WEE1: variants seen among roughly 807,000 people sequenced by gnomAD.
WEE1 encodes the protein WEE1 G2 checkpoint kinase, also known as wee1-like protein kinase.
Under a neutral mutation model 68.8 loss-of-function variants are expected in WEE1, and 16 were observed. The ratio of observed to expected loss-of-function variants is 0.23; its 90% CI spans 0.16 to 0.35. The LOEUF (loss-of-function observed/expected upper bound fraction) is 0.35. Ranked by LOEUF, WEE1 falls within the 10% of genes least tolerant of loss-of-function variation. WEE1 has a pLI of 1.00. For missense variants in WEE1, 651 were observed against 824.1 expected, an observed-to-expected ratio of 0.79 and a Z score of 2.57; for synonymous variants, 349 against 318.7, an observed-to-expected ratio of 1.09 and a Z score of -1.01.
At chr11:9,582,674 C>G (rs1849641218) in intron 6 of WEE1, among the ~76,000 whole-genome samples, 1 of 152,238 alleles carries the variant, frequency 6.6e-6, no homozygotes, top group South Asian at 2.1e-4. Flanking sequence ...TCAAGCGATT[C>G]TCCTGCCTCC....
In WEE1 at chr11:9,576,380, A is replaced by C. The variant is rs564887125; in HGVS notation, c.846+87A>C. 6.6e-5 allele frequency: 102 copies of C among 1,544,498 alleles called. No homozygotes were observed. The highest frequency in any genetic ancestry group is 8.7e-5 in the Non-Finnish European group (100 of 1,142,874). ...TGAATATGTTAATAAGCATTAACACATAAGGTAGAATGGTTTTTAAATTTC... is the reference window on the plus strand; with the variant it reads ...TGAATATGTTAATAAGCATTAACACCTAAGGTAGAATGGTTTTTAAATTTC... On this transcript the variant is annotated intron_variant, in intron 3 of 10. Coordinates refer to ENST00000450114, the MANE Select transcript of WEE1 (RefSeq NM_003390.4). The surrounding 1 kb of genome is among the most constrained non-coding windows in gnomAD (Gnocchi z 4.3).
chr11:9,587,057 C>T (rs867362133), intron 10 of WEE1, among the ~76,000 whole-genome samples: 2 of 152,164 alleles, frequency 1.3e-5, no homozygotes, highest in Non-Finnish European at 2.9e-5. Flanking sequence ...ACCTCCTGGG[C>T]TCAAGCTATC....
In WEE1 at chr11:9,588,455, C is replaced by T. The variant is rs759893864; in HGVS notation, c.1794C>T (p.Leu598=). 6.3e-7 allele frequency: 1 copy of T among 1,581,232 alleles called. No individual in the cohort carries two copies. Among genetic ancestry groups the T allele is most frequent in the Non-Finnish European group, 8.5e-7 (1 of 1,170,880 alleles). The change falls in exon 11 of 11, where the codon CTC becomes CTT. Residue 598 remains leucine (L), a synonymous_variant. Transcript: ENST00000450114. ...TTTTCTATTTTTATGTCAGAGAACT[C>T]AAGAAAGCACAGATGGCAAAAGCTG... ...KFKNSLLQKE[L]KKAQMAKAAA...
At chr11:9,585,061 T>C in intron 6 of WEE1, 197 bp from the exon 7 acceptor site, 1 of 556,414 alleles carries the variant, frequency 1.8e-6, no homozygotes, top group Non-Finnish European at 3.2e-6. Flanking sequence ...GCACACTGTC[T>C]CAAAAAAAAA....
chr11:9,575,252 T>A, intron 1 of WEE1: 1 of 985,760 alleles, frequency 1.0e-6, no homozygotes, highest in Non-Finnish European at 1.2e-6. Flanking sequence ...ACCTGTGTTT[T>A]GAAAGGCCTT....
In WEE1 at chr11:9,586,771, G is replaced by T. The variant is rs200001674; in HGVS notation, c.1702G>T (p.Val568Leu). The change falls in exon 10 of 11, where the codon GTA (valine) becomes TTA (leucine). Residue 568 changes from valine (V) to leucine (L), a missense_variant. Transcript: ENST00000450114. ...PSAMALVKHSVLLSASRKSAE... is the reference protein window; with the variant it reads ...PSAMALVKHSLLLSASRKSAE... ...AGCAATGGCACTGGTAAAGCATTCA[G>T]TATTGCTGTCCGCTTCTAGAAAGAG... 1 of 1,614,094 alleles carries T rather than the reference G, an allele frequency of 6.2e-7. No homozygotes were observed. Among genetic ancestry groups the T allele is most frequent in the South Asian group, 1.1e-5 (1 of 91,064 alleles).
intron 5 of WEE1, 80 bp downstream of exon 5, chr11:9,577,343 C>T: frequency 6.7e-7 from 1 of 1,490,476 alleles, no homozygotes; most frequent in East Asian, 2.3e-5. Flanking sequence ...AAATCTTGCT[C>T]TATTTCTGTC....
chr11:9,588,576 C>T lies in WEE1; in HGVS notation c.1915C>T (p.Arg639Cys). Residue 639 changes from arginine to cysteine, a missense_variant, in exon 11 of 11, where the codon CGC becomes TGC. Arg to Cys is a radical substitution (Grantham distance 180, BLOSUM62 -3). This residue lies in a region of WEE1 where 115 missense variants were observed against 142.7 expected (regional missense o/e 0.81). Transcript: ENST00000450114. ...TSRLIGKKMN[R>C]SVSLTIY ...TCGACTTATTGGAAAGAAAATGAACCGCTCTGTCAGCCTTACTATATACTG... is the reference window on the plus strand; with the variant it reads ...TCGACTTATTGGAAAGAAAATGAACTGCTCTGTCAGCCTTACTATATACTG... 1 of 1,605,378 alleles carries T rather than the reference C, an allele frequency of 6.2e-7. No individual in the cohort carries two copies. The highest frequency in any genetic ancestry group is 1.7e-4 in the Middle Eastern group (1 of 6,024).
At chr11:9,575,513 G>A in intron 1 of WEE1, 1 of 602,936 alleles carries the variant, frequency 1.7e-6, no homozygotes, top group Non-Finnish European at 2.2e-6. Flanking sequence ...AGCGGAGGTG[G>A]CTATGGAAGC....
At position 9,574,221 on chromosome 11, in the gene WEE1, C is replaced by T. The variant is rs117347074; in HGVS notation, c.288C>T (p.Pro96=). The T allele has an allele frequency of 0.06, 70,909 of 1,184,604 alleles. 2,317 individuals carry two copies. The highest frequency in any genetic ancestry group is 0.083 in the South Asian group (2,021 of 24,434). 73.4% of individuals were successfully genotyped at this position (1,184,604 alleles called of 1,614,324 possible). The change falls in exon 1 of 11, where the codon CCC becomes CCT. Residue 96 remains proline, a synonymous_variant. Coordinates refer to ENST00000450114, the MANE Select transcript of WEE1 (RefSeq NM_003390.4). This position sits in a 1 kb window ranked among gnomAD's most constrained non-coding sequence, Gnocchi z 4.9. ...PGELEEDLLL[P]GACPGADEAG... The stretch of plus-strand genomic sequence containing the variant: ...AGCTGGAGGAGGACCTGTTGCTGCC[C>T]GGCGCCTGCCCGGGCGCGGACGAGG...
Position 9,576,428 on chromosome 11 carries a change from C to G in WEE1, c.847-59C>G. On this transcript the variant is annotated intron_variant, in intron 3 of 10. Transcript: ENST00000450114. This position sits in a 1 kb window ranked among gnomAD's most constrained non-coding sequence, Gnocchi z 4.3. Reference sequence around the variant, plus strand: ...TTCACACATAGCCCTATCACCATAGCAAGAAATAACTGTTTTCGTATATTT... The same window carrying G: ...TTCACACATAGCCCTATCACCATAGGAAGAAATAACTGTTTTCGTATATTT... 6.3e-7 allele frequency: 1 copy of G among 1,577,846 alleles called. No homozygotes were observed.
intron 6 of WEE1, among the ~76,000 whole-genome samples, chr11:9,584,944 T>G (rs1007603867): frequency 2.0e-5 from 3 of 152,172 alleles, no homozygotes; most frequent in Non-Finnish European, 2.9e-5. Flanking sequence ...ATGTGGCATG[T>G]GCCTGTAGTC....
chr11:9,574,370 C>T lies in WEE1; in HGVS notation c.437C>T (p.Pro146Leu). The change falls in exon 1 of 11, where the codon CCA (proline) becomes CTA (leucine). Residue 146 changes from proline to leucine, a missense_variant. Physicochemically the swap from Pro to Leu is moderately conservative, Grantham distance 98. Transcript: ENST00000450114. This position sits in a 1 kb window ranked among gnomAD's most constrained non-coding sequence, Gnocchi z 4.9. ...SSFSPVRCGG[P>L]GDASPRGCGA... ...TTCTCGCCGGTGCGCTGCGGCGGCC[C>T]AGGAGATGCGTCGCCGCGGGGTTGC... 1 of 1,230,170 alleles carries T rather than the reference C, an allele frequency of 8.1e-7. No homozygotes were observed. The highest frequency in any genetic ancestry group is 1.0e-6 in the Non-Finnish European group (1 of 988,548). The allele number at this position is 1,230,170 out of a possible 1,614,324, so 76.2% of individuals were successfully genotyped here.
intron 5 of WEE1, chr11:9,580,231 A>AGTGTGTGTGTGT (rs60529732): frequency 6.0e-5 from 9 of 149,580 alleles, no homozygotes; most frequent in African/African-American, 2.2e-4. Flanking sequence ...TGTGGAGAAG[A>AGTGTGTGTGTGT]GTGTGTGTGT....
intron 5 of WEE1, chr11:9,581,028 A>G (rs1171953081): frequency 6.5e-6 from 1 of 152,882 alleles, no homozygotes; most frequent in Non-Finnish European, 1.5e-5. Context: ...ATGCCGATCT[A>G]TGCCGATCTA....
At chr11:9,579,810 C>G (rs1414211573) in intron 5 of WEE1, 1 of 152,074 alleles carries the variant, frequency 6.6e-6, no homozygotes, top group Non-Finnish European at 1.5e-5. Flanking sequence ...ACTAAGATAC[C>G]GAGATGTATA....
chr11:9,575,136 C>T (rs1489794255), intron 1 of WEE1: 1 of 985,408 alleles, frequency 1.0e-6, no homozygotes, highest in Non-Finnish European at 1.2e-6. Flanking sequence ...CTTGGCCCAG[C>T]ATTTGTTTTT....
Position 9,585,364 on chromosome 11 carries a change from T to C in WEE1, c.1384+11T>C, listed in dbSNP as rs972707136. ...TTATGTTTAAAATAGGTAAGAAAGG[T>C]AATCAGATTATTACCTTCAGATAAA... On this transcript the variant is annotated intron_variant, in intron 7 of 10. Transcript: ENST00000450114. The C allele has an allele frequency of 1.9e-6, 3 of 1,612,142 alleles. No individual in the cohort carries two copies. The highest frequency in any genetic ancestry group is 2.5e-6 in the Non-Finnish European group (3 of 1,178,808).
In WEE1 at chr11:9,574,430, C is replaced by T; in HGVS notation, c.497C>T (p.Pro166Leu). Residue 166 changes from proline (P) to leucine (L), a missense_variant, in exon 1 of 11, where the codon CCG becomes CTG. Physicochemically the swap from Pro to Leu is moderately conservative, Grantham distance 98 (BLOSUM62 -3). Around this residue, in one of 5 missense-constraint regions of WEE1, gnomAD observed 395 missense variants for 378.4 expected, o/e 1.04. Coordinates refer to ENST00000450114, the MANE Select transcript of WEE1 (RefSeq NM_003390.4). The surrounding 1 kb of genome is among the most constrained non-coding windows in gnomAD (Gnocchi z 4.9). Reference protein sequence around the residue: ...ARRAGEGRRSPRPDHPGTPPH... With the variant: ...ARRAGEGRRSLRPDHPGTPPH... ...CGGGCGGGCGAAGGCCGCCGCTCGC[C>T]GCGGCCGGACCACCCGGGCACCCCG... 1.6e-6 allele frequency: 2 copies of T among 1,219,166 alleles called. 1 individual carries two copies. 75.5% of individuals were successfully genotyped at this position (1,219,166 alleles called of 1,614,324 possible).
Sources: gnomAD v4.1 joint callset for allele counts (sites outside exome capture counted in the v4.1 genomes callset) on GRCh38, gnomAD v4.1.1 for gene constraint, gnomAD v4.1.1 regional missense constraint, Gnocchi (gnomAD v3.1) non-coding constraint, MANE v1.5 for transcripts, NCBI Gene and HGNC (gene_info 2026-07-23, HGNC 2026-07-21) for gene names.